Variants in GLYATL2 observed in about 807,000 individuals in gnomAD.
GLYATL2 encodes the protein glycine-N-acyltransferase like 2.
A neutral mutation model predicts 21.4 loss-of-function variants in GLYATL2; 25 were observed. The ratio of observed to expected loss-of-function variants is 1.17; its 90% CI spans 0.85 to 1.63. The LOEUF (loss-of-function observed/expected upper bound fraction) is 1.63. Ranked by LOEUF, GLYATL2 falls within the 40% of genes most tolerant of loss-of-function variation. The pLI, the probability that GLYATL2 is intolerant of heterozygous loss-of-function variation, is 0.00. For synonymous variants in GLYATL2, 114 were observed against 118.2 expected, an observed-to-expected ratio of 0.96 and a Z score of 0.23; for missense variants, 361 against 343.3, an observed-to-expected ratio of 1.05 and a Z score of -0.41.
intron 1 of GLYATL2, among the ~76,000 whole-genome samples, chr11:58,855,461 A>G (rs556256921): frequency 6.6e-6 from 1 of 152,334 alleles, no homozygotes; most frequent in East Asian, 1.9e-4. Context: ...CTGTAAATAG[A>G]TGGTGCTGCA....
chr11:58,842,043 C>A (rs1853562519), intron 1 of GLYATL2, among the ~76,000 whole-genome samples: 1 of 152,108 alleles, frequency 6.6e-6, no homozygotes, highest in African/African-American at 2.4e-5. Context: ...TTAAGCATAC[C>A]TATACTAACT....
chr11:58,870,796 C>T (rs1040362082), intron 1 of GLYATL2, among the ~76,000 whole-genome samples: 2 of 152,192 alleles, frequency 1.3e-5, no homozygotes, highest in Non-Finnish European at 2.9e-5. Context: ...AGCAAACCTG[C>T]CCTCTGCTTC....
chr11:58,835,194 T>G (rs1196596454), intron 5 of GLYATL2, among the ~76,000 whole-genome samples: 1 of 152,236 alleles, frequency 6.6e-6, no homozygotes, highest in Non-Finnish European at 1.5e-5. Context: ...AAGATGCATG[T>G]ATGAAACCAT....
intron 1 of GLYATL2, among the ~76,000 whole-genome samples, chr11:58,861,975 C>T (rs1237175289): frequency 6.6e-6 from 1 of 152,078 alleles, no homozygotes; most frequent in Non-Finnish European, 1.5e-5. Context: ...TGTAAGACAG[C>T]TCTGATGGTG....
upstream of GLYATL2, chr11:58,907,151 C>A (rs941447287): frequency 1.3e-5 from 5 of 381,546 alleles, no homozygotes; most frequent in African/African-American, 1.0e-4. Flanking sequence ...TTTTCTCAGC[C>A]GGGGCTCTGA....
At chr11:58,860,767 C>T (rs482203) in intron 1 of GLYATL2, among the ~76,000 whole-genome samples, 134,897 of 152,036 alleles carry the variant, frequency 0.89, 60,999 homozygotes, top group Non-Finnish European at 0.98. Context: ...GTATGAGCTA[C>T]ATTTCTTCTA....
chr11:58,881,216 G>A (rs749569057), intron 1 of GLYATL2, among the ~76,000 whole-genome samples: 1 of 152,076 alleles, frequency 6.6e-6, no homozygotes, highest in Non-Finnish European at 1.5e-5. Context: ...TGGAAAACAT[G>A]CATTCTAATT....
chr11:58,883,747 T>C (rs1350528445), intron 1 of GLYATL2, among the ~76,000 whole-genome samples: 1 of 152,170 alleles, frequency 6.6e-6, no homozygotes, highest in Non-Finnish European at 1.5e-5. Context: ...TACCAAAGCC[T>C]GGCAGAGACA....
intron 1 of GLYATL2, among the ~76,000 whole-genome samples, chr11:58,890,015 G>A (rs1017321961): frequency 2.5e-4 from 38 of 151,962 alleles, no homozygotes; most frequent in African/African-American, 8.9e-4. Context: ...AATATTACAC[G>A]TTGATGAGTC....
chr11:58,862,865 A>T (rs1485473470), intron 1 of GLYATL2, among the ~76,000 whole-genome samples: 1 of 151,788 alleles, frequency 6.6e-6, no homozygotes, highest in Non-Finnish European at 1.5e-5. Flanking sequence ...TTTCTCTGAT[A>T]GTTCTTGATA....
intron 1 of GLYATL2, among the ~76,000 whole-genome samples, chr11:58,883,216 CCT>C (rs1394843559): frequency 1.3e-5 from 2 of 152,094 alleles, no homozygotes; most frequent in African/African-American, 4.8e-5. Context: ...TAGTTTGTGT[CCT>C]CTTTTATTTC....
chr11:58,894,011 G>T (rs1854591275), intron 1 of GLYATL2, among the ~76,000 whole-genome samples: 1 of 152,158 alleles, frequency 6.6e-6, no homozygotes, highest in African/African-American at 2.4e-5. Context: ...TTGTTATGCA[G>T]AAAAGAATCT....
intron 1 of GLYATL2, chr11:58,892,626 C>T (rs987497866): frequency 2.7e-5 from 8 of 296,210 alleles, no homozygotes; most frequent in African/African-American, 4.4e-5. Context: ...GAGAACATCA[C>T]GTCTGACAAT....
At chr11:58,873,220 G>A (rs993913343) in intron 1 of GLYATL2, among the ~76,000 whole-genome samples, 1 of 151,554 alleles carries the variant, frequency 6.6e-6, no homozygotes, top group Admixed American at 6.6e-5. Flanking sequence ...ATACAATCAT[G>A]TAATGTGCAA....
intron 1 of GLYATL2, among the ~76,000 whole-genome samples, chr11:58,896,924 A>G (rs187179536): frequency 1.3e-5 from 2 of 152,258 alleles, no homozygotes; most frequent in East Asian, 3.9e-4. Context: ...TCTTTCTCCA[A>G]GGAAGATTCC....
chr11:58,864,231 T>C (rs2134597093), intron 1 of GLYATL2, among the ~76,000 whole-genome samples: 2 of 152,210 alleles, frequency 1.3e-5, no homozygotes, highest in East Asian at 1.9e-4. Flanking sequence ...GCCAGCCTTG[T>C]TCTGGGGCTG....
chr11:58,883,072 T>A (rs1215221351), intron 1 of GLYATL2, among the ~76,000 whole-genome samples: 2 of 152,126 alleles, frequency 1.3e-5, no homozygotes, highest in African/African-American at 4.8e-5. Flanking sequence ...CTTTAAAGTA[T>A]TTTTTTCCAA....
chr11:58,839,698 A>C, intron 1 of GLYATL2, 46 bp from the exon 2 acceptor site: 1 of 881,484 alleles, frequency 1.1e-6, no homozygotes, highest in South Asian at 1.6e-5. Context: ...GAGATATGAT[A>C]GGTGTCCAGA....
intron 1 of GLYATL2, among the ~76,000 whole-genome samples, chr11:58,898,196 C>A (rs541496952): frequency 3.3e-5 from 5 of 152,126 alleles, no homozygotes; most frequent in African/African-American, 1.2e-4. Context: ...AATAAGACGA[C>A]ATCTTCCAAT....
Sources: gnomAD v4.1 joint callset for allele counts (sites outside exome capture counted in the v4.1 genomes callset) on GRCh38, gnomAD v4.1.1 for gene constraint, MANE v1.5 for transcripts, NCBI Gene and HGNC (gene_info 2026-07-23, HGNC 2026-07-21) for gene names.